Variants in ITPR2 observed in about 807,000 individuals in gnomAD.
ITPR2 encodes inositol 1,4,5-trisphosphate-gated calcium channel ITPR2.
A neutral mutation model predicts 317.1 loss-of-function variants in ITPR2; 207 were observed. The observed-to-expected ratio is 0.65, with a 90% CI of 0.58 to 0.73. The LOEUF is 0.73. Ranked by LOEUF, ITPR2 falls within the 30% of genes least tolerant of loss-of-function variation. The pLI, the probability that ITPR2 is intolerant of heterozygous loss-of-function variation, is 0.00. For synonymous variants in ITPR2, 1,156 were observed against 1,149.1 expected (o/e 1.01, Z -0.12); for missense variants, 2,613 against 3,284.0 (o/e 0.80, Z 4.99).
At chr12:26,685,900 C>T (rs1429212073) in intron 11 of ITPR2, among the ~76,000 whole-genome samples, 1 of 152,202 alleles carries the variant, frequency 6.6e-6, no homozygotes, top group Non-Finnish European at 1.5e-5. Context: ...AACACTCCTA[C>T]CTAATAGAAC....
intron 52 of ITPR2, among the ~76,000 whole-genome samples, chr12:26,410,664 C>G (rs1342470056): frequency 3.9e-5 from 6 of 152,154 alleles, no homozygotes; most frequent in Non-Finnish European, 8.8e-5. Flanking sequence ...CATACACTCC[C>G]TAAATCTTTG....
chr12:26,367,500 C>A (rs1304696585), intron 55 of ITPR2, among the ~76,000 whole-genome samples: 1 of 151,628 alleles, frequency 6.6e-6, no homozygotes. Flanking sequence ...ACCAGAGATG[C>A]AAGATGAAGA....
chr12:26,447,193 CAT>C (rs112610333), intron 45 of ITPR2, among the ~76,000 whole-genome samples: 7,376 of 152,054 alleles, frequency 0.049, 375 homozygotes, highest in African/African-American at 0.12. Context: ...TAGTTAATAA[CAT>C]ATATTTATGC....
chr12:26,691,595 C>T (rs75101331), intron 10 of ITPR2, among the ~76,000 whole-genome samples: 2,857 of 152,202 alleles, frequency 0.019, 46 homozygotes, highest in South Asian at 0.038. Context: ...AATGCCCCTA[C>T]GAAAAGCCAG....
intron 55 of ITPR2, among the ~76,000 whole-genome samples, chr12:26,352,705 C>T (rs569494841): frequency 2.6e-5 from 4 of 152,262 alleles, no homozygotes; most frequent in East Asian, 1.9e-4. Context: ...AGGATAAGAA[C>T]GCATTCACAG....
intron 32 of ITPR2, among the ~76,000 whole-genome samples, chr12:26,592,045 CA>C (rs1488496091): frequency 1.3e-5 from 2 of 150,374 alleles, no homozygotes; most frequent in Non-Finnish European, 3.0e-5. Flanking sequence ...GGTACATATA[CA>C]CAACAGAGTA....
chr12:26,383,196 T>C (rs1424127675), intron 55 of ITPR2, among the ~76,000 whole-genome samples: 1 of 152,180 alleles, frequency 6.6e-6, no homozygotes, highest in African/African-American at 2.4e-5. Flanking sequence ...CCTTCTGCCA[T>C]GAGTGAAAGC....
At chr12:26,637,075 G>A (rs1946880278) in intron 21 of ITPR2, among the ~76,000 whole-genome samples, 1 of 152,174 alleles carries the variant, frequency 6.6e-6, no homozygotes, top group Admixed American at 6.5e-5. Context: ...TTATTCTGAA[G>A]TGATCTTACC....
rs192077619 is a variant in ITPR2, at chr12:26,832,804, A to G, written c.-23T>C. 1 of 1,563,832 alleles carries G rather than the reference A, an allele frequency of 6.4e-7. No homozygotes were observed. The highest frequency in any genetic ancestry group is 1.7e-5 in the Admixed American group (1 of 58,496). On this transcript the variant is annotated 5_prime_UTR_variant, in exon 1 of 57. Transcript: ENST00000381340. ...CATGCTGCTTCATGTTCCACAGTGGACGTCCCTCTTCTTCCCTGCGCCCTC... is the reference window on the plus strand; with the variant it reads ...CATGCTGCTTCATGTTCCACAGTGGGCGTCCCTCTTCTTCCCTGCGCCCTC...
chr12:26,668,514 C>T (rs532449236), intron 13 of ITPR2, among the ~76,000 whole-genome samples: 1 of 152,222 alleles, frequency 6.6e-6, no homozygotes, highest in Non-Finnish European at 1.5e-5. Context: ...AAGCATAAAA[C>T]TGATAGAGAA....
chr12:26,773,383 T>A (rs1592115460), intron 2 of ITPR2, among the ~76,000 whole-genome samples: 1 of 152,220 alleles, frequency 6.6e-6, no homozygotes, highest in African/African-American at 2.4e-5. Context: ...TCACTTCATA[T>A]ACACCATGGG....
At chr12:26,409,224 C>T (rs561188960) in intron 52 of ITPR2, among the ~76,000 whole-genome samples, 1 of 152,054 alleles carries the variant, frequency 6.6e-6, no homozygotes, top group South Asian at 2.1e-4. Flanking sequence ...TAGGACTAAC[C>T]CACACTATCA....
At chr12:26,367,091 T>C (rs1261600902) in intron 55 of ITPR2, among the ~76,000 whole-genome samples, 2 of 152,226 alleles carry the variant, frequency 1.3e-5, no homozygotes, top group Non-Finnish European at 2.9e-5. Context: ...TTCCATTATA[T>C]GTAGATTGGA....
intron 55 of ITPR2, among the ~76,000 whole-genome samples, chr12:26,372,306 A>G (rs2136600977): frequency 6.6e-6 from 1 of 152,310 alleles, no homozygotes; most frequent in African/African-American, 2.4e-5. Context: ...CACTAAGCAA[A>G]AGTTGTTGAA....
intron 32 of ITPR2, among the ~76,000 whole-genome samples, chr12:26,581,609 G>A (rs1945406899): frequency 6.6e-6 from 1 of 152,058 alleles, no homozygotes; most frequent in African/African-American, 2.4e-5. Context: ...AGGGATTAAG[G>A]ACTCTTATTT....
chr12:26,773,980 AAT>A (rs1949914790), intron 2 of ITPR2, among the ~76,000 whole-genome samples: 2 of 131,718 alleles, frequency 1.5e-5, no homozygotes, highest in South Asian at 2.4e-4. Flanking sequence ...TCAACTGGAG[AAT>A]TTTTTTTTTT....
intron 55 of ITPR2, among the ~76,000 whole-genome samples, chr12:26,386,028 CA>C (rs2136626374): frequency 6.6e-6 from 1 of 152,196 alleles, no homozygotes; most frequent in African/African-American, 2.4e-5. Flanking sequence ...AGGCATATAA[CA>C]GGAGTCTAAT....
chr12:26,608,330 G>A (rs1473311194), intron 26 of ITPR2, among the ~76,000 whole-genome samples: 1 of 152,184 alleles, frequency 6.6e-6, no homozygotes, highest in Admixed American at 6.5e-5. Flanking sequence ...GGAAAAACTG[G>A]AAATGTTTAA....
intron 28 of ITPR2, 41 bp downstream of exon 28, chr12:26,602,329 C>T (rs759483214): frequency 6.4e-7 from 1 of 1,561,694 alleles, no homozygotes; most frequent in South Asian, 1.2e-5. Flanking sequence ...GAAATTGTAT[C>T]AAAATAAAAA....
Sources: allele counts gnomAD v4.1 joint callset (sites outside exome capture counted in the v4.1 genomes callset), GRCh38; gene constraint gnomAD v4.1.1; transcripts MANE v1.5; gene names NCBI Gene and HGNC (gene_info 2026-07-23, HGNC 2026-07-21).